VWA8: variants seen among roughly 807,000 people sequenced by gnomAD.
VWA8 encodes the protein von Willebrand factor A domain-containing protein 8.
Under a neutral mutation model 241.5 loss-of-function variants are expected in VWA8, and 221 were observed. That is an observed-to-expected ratio of 0.91 (90% confidence interval 0.82 to 1.02). The LOEUF (loss-of-function observed/expected upper bound fraction) is 1.02, where lower values mean the gene tolerates loss of function less well. Among genes scored for constraint, VWA8 ranks in the 50% least tolerant of loss-of-function variants. VWA8 has a pLI of 0.00. For missense variants in VWA8, 2,322 were observed against 2,328.7 expected (o/e 1.00, Z 0.06); for synonymous variants, 852 against 827.1 (o/e 1.03, Z -0.52).
Position 41,889,866 on chromosome 13 carries a change from C to A in VWA8, c.651+1554G>T, listed in dbSNP as rs187035445. On this transcript the variant is annotated intron_variant, in intron 5 of 44. Transcript: ENST00000379310. ...AATTATTTACTAAAAATGGTTAACA[C>A]TAATGTAATCTCTAGTGGCAAGTAG... 3.3e-5 allele frequency among the ~76,000 whole-genome samples: 5 copies of A among 152,184 alleles called. No individual in the cohort carries two copies. In the East Asian group the frequency reaches 9.6e-4, roughly 29 times the overall value.
rs1012536289 is a variant in VWA8, at chr13:41,657,420, T to C, written c.4611+13526A>G. ...TCATTTTACATACTTTTTGATTCCATAATAAATCTGGAATCACATAAATAA... is the reference window on the plus strand; with the variant it reads ...TCATTTTACATACTTTTTGATTCCACAATAAATCTGGAATCACATAAATAA... On this transcript the variant is annotated intron_variant, in intron 37 of 44. Coordinates refer to ENST00000379310, the MANE Select transcript of VWA8 (RefSeq NM_015058.2). Among the ~76,000 whole-genome samples the C allele has an allele frequency of 3.3e-5, 5 of 151,978 alleles. No homozygotes were observed. The South Asian group carries it at 8.3e-4, about 25-fold the overall frequency.
chr13:41,864,065 G>C (rs1440302841), intron 12 of VWA8, among the ~76,000 whole-genome samples: 4 of 151,004 alleles, frequency 2.6e-5, no homozygotes, highest in Non-Finnish European at 5.9e-5. Flanking sequence ...AAGATGCTTA[G>C]CATCAGTAGT....
At chr13:41,847,401 G>A (rs1296087556) in intron 12 of VWA8, among the ~76,000 whole-genome samples, 1 of 152,200 alleles carries the variant, frequency 6.6e-6, no homozygotes, top group East Asian at 1.9e-4. Context: ...GTGAAGATCA[G>A]GCAAGAATAT....
At chr13:41,676,422 G>A (rs190550235) in intron 35 of VWA8, among the ~76,000 whole-genome samples, 1 of 152,258 alleles carries the variant, frequency 6.6e-6, no homozygotes, top group East Asian at 1.9e-4. Flanking sequence ...AGCTGGAACA[G>A]TCTTTTCTTC....
intron 42 of VWA8, among the ~76,000 whole-genome samples, chr13:41,581,010 A>ATT (rs1274814705): frequency 7.9e-6 from 1 of 127,326 alleles, no homozygotes. Flanking sequence ...ATTTTATTTT[A>ATT]TTTTTTTTTG....
At chr13:41,615,746 T>C (rs2044616874) in intron 37 of VWA8, among the ~76,000 whole-genome samples, 1 of 152,230 alleles carries the variant, frequency 6.6e-6, no homozygotes, top group Non-Finnish European at 1.5e-5. Context: ...AGAAGTACTT[T>C]AGCCTTCCTC....
At chr13:41,949,714 C>G (rs779380415) in intron 2 of VWA8, among the ~76,000 whole-genome samples, 2 of 151,686 alleles carry the variant, frequency 1.3e-5, no homozygotes, top group Non-Finnish European at 2.9e-5. Context: ...AATGTTTCTA[C>G]TGAAATATTG....
chr13:41,666,633 C>A (rs754492183), intron 37 of VWA8, among the ~76,000 whole-genome samples: 14 of 152,004 alleles, frequency 9.2e-5, no homozygotes, highest in South Asian at 4.1e-4. Flanking sequence ...AACTTAACAA[C>A]CCCCCAGTCT....
intron 43 of VWA8, among the ~76,000 whole-genome samples, chr13:41,572,897 C>T (rs531445920): frequency 3.7e-4 from 56 of 149,818 alleles, no homozygotes; most frequent in African/African-American, 1.2e-3. Context: ...ATCACAAGGT[C>T]GGGAGTTCGA....
At chr13:41,926,539 C>T in intron 2 of VWA8, 2 of 540,902 alleles carry the variant, frequency 3.7e-6, no homozygotes, top group Non-Finnish European at 3.7e-6. Context: ...AAACTGGATG[C>T]CAGTTCCAGA....
chr13:41,748,940 T>C (rs961628502), intron 21 of VWA8, among the ~76,000 whole-genome samples: 7 of 152,138 alleles, frequency 4.6e-5, no homozygotes, highest in African/African-American at 1.2e-4. Context: ...ATTCAGGACA[T>C]AGGCATGGGG....
intron 12 of VWA8, among the ~76,000 whole-genome samples, chr13:41,851,038 C>G (rs188840893): frequency 6.6e-6 from 1 of 152,322 alleles, no homozygotes; most frequent in Admixed American, 6.5e-5. Flanking sequence ...CATTTCAGGT[C>G]TACTGTCTTC....
At chr13:41,849,743 C>T (rs961574271) in intron 12 of VWA8, among the ~76,000 whole-genome samples, 2 of 152,042 alleles carry the variant, frequency 1.3e-5, no homozygotes, top group African/African-American at 4.8e-5. Context: ...AAAAAGTGGC[C>T]GGGCACGATG....
intron 40 of VWA8, among the ~76,000 whole-genome samples, chr13:41,604,436 C>T (rs1040491422): frequency 3.3e-5 from 5 of 151,886 alleles, no homozygotes; most frequent in South Asian, 2.1e-4. Context: ...TCTCTGGATA[C>T]GGATTAGATC....
chr13:41,797,024 C>T (rs1376510861), intron 17 of VWA8, among the ~76,000 whole-genome samples: 1 of 151,612 alleles, frequency 6.6e-6, no homozygotes, highest in Non-Finnish European at 1.5e-5. Flanking sequence ...ACTGAAAAAC[C>T]GATTTTTTTC....
chr13:41,930,816 T>A lies in VWA8; in HGVS notation c.242-18648A>T, dbSNP rs76124981. On this transcript the variant is annotated intron_variant, in intron 2 of 44. Transcript: ENST00000379310. ...AATCTGAAATGCAAAATAACTCTGG[T>A]CCCAAGCATTTCAGATAAGGGATGG... Among the ~76,000 whole-genome samples, 6 of 152,274 alleles carry A rather than the reference T, an allele frequency of 3.9e-5. No homozygotes were observed. The East Asian group carries it at 9.6e-4, about 24-fold the overall frequency.
intron 9 of VWA8, among the ~76,000 whole-genome samples, chr13:41,873,888 G>C (rs967809693): frequency 6.6e-6 from 1 of 152,032 alleles, no homozygotes; most frequent in Admixed American, 6.6e-5. Context: ...CCAAAAAAGA[G>C]AATTTTAGAC....
At chr13:41,788,525 G>A (rs1472331491) in intron 17 of VWA8, among the ~76,000 whole-genome samples, 1 of 152,132 alleles carries the variant, frequency 6.6e-6, no homozygotes, top group Non-Finnish European at 1.5e-5. Flanking sequence ...TATGATAGAG[G>A]AAATTACATA....
intron 41 of VWA8, among the ~76,000 whole-genome samples, chr13:41,588,536 C>G (rs1257172881): frequency 6.6e-6 from 1 of 152,040 alleles, no homozygotes; most frequent in Non-Finnish European, 1.5e-5. Context: ...GCCTGGGCAA[C>G]ACAGCAAGAA....
Sources: allele counts gnomAD v4.1 joint callset (sites outside exome capture counted in the v4.1 genomes callset), GRCh38; gene constraint gnomAD v4.1.1; transcripts MANE v1.5; gene names NCBI Gene and HGNC (gene_info 2026-07-23, HGNC 2026-07-21).